STK10: variants seen among roughly 807,000 people sequenced by gnomAD.
The protein encoded by STK10 is serine/threonine kinase 10.
In STK10, 78 loss-of-function variants were observed where a neutral mutation model predicts 113.8. The ratio of observed to expected loss-of-function variants is 0.69; its 90% CI spans 0.57 to 0.83. STK10 has a LOEUF of 0.83. Ranked by LOEUF, STK10 falls within the 40% of genes least tolerant of loss-of-function variation. The pLI is 0.00. For missense variants in STK10, 1,109 were observed against 1,280.1 expected (o/e 0.87, Z 2.04); for synonymous variants, 465 against 494.7 (o/e 0.94, Z 0.80).
chr5:172,136,530 G>A (rs942229489), intron 2 of STK10, among the ~76,000 whole-genome samples: 1 of 152,352 alleles, frequency 6.6e-6, no homozygotes, highest in South Asian at 2.1e-4. Context: ...CCAGGAGGCA[G>A]AGCTTGCAGT....
At chr5:172,099,890 G>A (rs1768944089) in intron 7 of STK10, among the ~76,000 whole-genome samples, 1 of 152,210 alleles carries the variant, frequency 6.6e-6, no homozygotes, top group Non-Finnish European at 1.5e-5. Flanking sequence ...GCACGGCCAG[G>A]AACTCTGCTT....
intron 13 of STK10, 42 bp downstream of exon 13, chr5:172,064,678 C>A (rs3812021): frequency 1.0e-5 from 16 of 1,604,554 alleles, no homozygotes; most frequent in Non-Finnish European, 1.4e-5. Context: ...TTCCAGGTCT[C>A]GCACCAGCCC....
intron 12 of STK10, among the ~76,000 whole-genome samples, chr5:172,077,694 C>T (rs895710632): frequency 6.6e-6 from 1 of 151,966 alleles, no homozygotes; most frequent in African/African-American, 2.4e-5. Flanking sequence ...ATAAATATCC[C>T]ACACCAATTG....
intron 1 of STK10, among the ~76,000 whole-genome samples, chr5:172,182,061 T>C (rs908950164): frequency 8.6e-5 from 13 of 151,784 alleles, no homozygotes; most frequent in African/African-American, 3.1e-4. Flanking sequence ...TCCCAGCACT[T>C]TGGGAGGCTG....
rs1412196081 is a variant in STK10, at chr5:172,120,059, G to T, written c.371-2429C>A. 6.6e-6 allele frequency among the ~76,000 whole-genome samples: 1 copy of T among 151,976 alleles called. No individual in the cohort carries two copies. The highest frequency in any genetic ancestry group is 1.5e-5 in the Non-Finnish European group (1 of 67,976). On this transcript the variant is annotated intron_variant, in intron 3 of 18. Transcript: ENST00000176763. This position sits in a 1 kb window ranked among gnomAD's most constrained non-coding sequence, Gnocchi z 4.0. The stretch of plus-strand genomic sequence containing the variant: ...TGGCGGAATGTGGAGGCGGTGGGAG[G>T]AGGGGAGTGAGAAGATTCCAAGGTG...
At chr5:172,079,469 T>C (rs1768382139) in intron 12 of STK10, among the ~76,000 whole-genome samples, 1 of 152,174 alleles carries the variant, frequency 6.6e-6, no homozygotes, top group South Asian at 2.1e-4. Context: ...GTTTTATTTG[T>C]TCAATATTGG....
intron 1 of STK10, among the ~76,000 whole-genome samples, chr5:172,182,563 T>TC: frequency 6.7e-6 from 1 of 150,030 alleles, no homozygotes; most frequent in East Asian, 2.0e-4. Flanking sequence ...TTTTTTTTTT[T>TC]TTTTTTTGAG....
intron 12 of STK10, among the ~76,000 whole-genome samples, chr5:172,069,545 G>T (rs60203644): frequency 6.6e-6 from 1 of 152,162 alleles, no homozygotes; most frequent in Admixed American, 6.5e-5. Context: ...CTTGAGCCCA[G>T]GAGTTTGAGG....
At chr5:172,094,831 C>T (rs528802769) in intron 8 of STK10, among the ~76,000 whole-genome samples, 134 of 152,342 alleles carry the variant, frequency 8.8e-4, no homozygotes, top group African/African-American at 3.0e-3. Context: ...GCCCTTGTGG[C>T]CACTAAGTTT....
rs531132664 is a variant in STK10, at chr5:172,138,829, A to G, written c.322-11408T>C. Among the ~76,000 whole-genome samples the G allele has an allele frequency of 1.1e-3, 170 of 152,096 alleles. 1 individual carries two copies. Among genetic ancestry groups the G allele is most frequent in the Middle Eastern group, 3.4e-3 (1 of 294 alleles). ...AGATCGAGACCATCCTGGCTAACAC[A>G]GTGAAACCCCGTCTCTACTAAAAAA... is the stretch of plus-strand genomic sequence containing the variant. On this transcript the variant is annotated intron_variant, in intron 2 of 18. Transcript: ENST00000176763.
chr5:172,093,886 C>T lies in STK10; in HGVS notation c.1080G>A (p.Glu360=). 6.4e-7 allele frequency: 1 copy of T among 1,560,628 alleles called. No individual in the cohort carries two copies. Among genetic ancestry groups the T allele is most frequent in the Non-Finnish European group, 8.7e-7 (1 of 1,150,088 alleles). ...PSLNADKPLE[E]SPSTPLAPSQ... is the part of the protein sequence containing the mutation. ...TGGGTGCCAGCGGGGTGGAAGGTGA[C>T]TCCTCGAGAGGCTTGTCAGCATTGA... The change falls in exon 9 of 19, where the codon GAG becomes GAA. Residue 360 remains glutamate (E), a synonymous_variant. Coordinates refer to ENST00000176763, the MANE Select transcript of STK10 (RefSeq NM_005990.4). The surrounding 1 kb of genome is among the most constrained non-coding windows in gnomAD (Gnocchi z 4.1).
At chr5:172,088,990 T>G (rs1288979059) in intron 10 of STK10, among the ~76,000 whole-genome samples, 1 of 152,148 alleles carries the variant, frequency 6.6e-6, no homozygotes, top group African/African-American at 2.4e-5. Flanking sequence ...GCCTCCAAAA[T>G]GTAGGTCAAA....
chr5:172,082,596 G>T lies in STK10; in HGVS notation c.1810-91C>A. The T allele has an allele frequency of 6.9e-7, 1 of 1,449,998 alleles. No individual in the cohort carries two copies. The highest frequency in any genetic ancestry group is 9.2e-7 in the Non-Finnish European group (1 of 1,083,558). 89.8% of individuals were successfully genotyped at this position (1,449,998 alleles called of 1,614,324 possible). A position where few individuals can be genotyped will look rare whatever the true frequency, so the allele number is the denominator to read the frequency against. On this transcript the variant is annotated intron_variant, in intron 11 of 18. Coordinates refer to ENST00000176763, the MANE Select transcript of STK10 (RefSeq NM_005990.4). The surrounding 1 kb of genome is among the most constrained non-coding windows in gnomAD (Gnocchi z 4.3). ...GTGGAATGGGGAGAACTCAGAGCTT[G>T]TGATCAGACCTAAGCTTGAATCCCA...
rs1297989579 is a variant in STK10 at position 172,082,969 on chromosome 5, C to T, written c.1801G>A (p.Glu601Lys). Residue 601 changes from glutamate to lysine, a missense_variant, in exon 11 of 19, where the codon GAA becomes AAA. Glu to Lys is a moderately conservative substitution (Grantham distance 56). This residue lies in a region of STK10 where 885 missense variants were observed against 991.1 expected (regional missense o/e 0.89). Coordinates refer to ENST00000176763, the MANE Select transcript of STK10 (RefSeq NM_005990.4). This position sits in a 1 kb window ranked among gnomAD's most constrained non-coding sequence, Gnocchi z 4.3. The part of the protein sequence containing the change: ...LEQMHKRFEQ[E>K]INAKKKFFDT... ...TCTTTTCTCGCACTCACGTTGATTT[C>T]CTGTTCAAAACGTTTATGCATTTGC... 2 of 1,613,466 alleles carry T rather than the reference C, an allele frequency of 1.2e-6. No individual in the cohort carries two copies. Among genetic ancestry groups the T allele is most frequent in the African/African-American group, 2.7e-5 (2 of 74,890 alleles).
intron 18 of STK10, among the ~76,000 whole-genome samples, chr5:172,048,712 C>T (rs1343973376): frequency 6.6e-6 from 1 of 152,188 alleles, no homozygotes; most frequent in African/African-American, 2.4e-5. Flanking sequence ...CCACTCTTGA[C>T]CCCTGAGGGC....
At chr5:172,112,122 G>T (rs1581162061) in intron 4 of STK10, among the ~76,000 whole-genome samples, 1 of 152,332 alleles carries the variant, frequency 6.6e-6, no homozygotes, top group East Asian at 1.9e-4. Flanking sequence ...GGCTGTATTT[G>T]TATGGACTAA....
intron 4 of STK10, among the ~76,000 whole-genome samples, chr5:172,110,125 C>A (rs2113769044): frequency 6.6e-6 from 1 of 152,336 alleles, no homozygotes; most frequent in South Asian, 2.1e-4. Flanking sequence ...TCAGAGAATA[C>A]AATGAGGACC....
In STK10 at chr5:172,055,633, G is replaced by C. The variant is rs1193307374; in HGVS notation, c.2481C>G (p.Ile827Met). 6.4e-7 allele frequency: 1 copy of C among 1,564,034 alleles called. No individual in the cohort carries two copies. The highest frequency in any genetic ancestry group is 1.4e-5 in the African/African-American group (1 of 73,038). ...RMAMYKKSLH[I>M]NGGGSAAEQR... ...GCTCAGCTGCGCTGCCCCCGCCGTTGATGTGGAGGCTCTTCTTGTACATGG... is the reference window on the plus strand; with the variant it reads ...GCTCAGCTGCGCTGCCCCCGCCGTTCATGTGGAGGCTCTTCTTGTACATGG... The change falls in exon 16 of 19, where the codon ATC becomes ATG. Residue 827 changes from isoleucine to methionine, a missense_variant. By Grantham distance (10) the Ile-to-Met change is conservative. This residue lies in a region of STK10 where 885 missense variants were observed against 991.1 expected (regional missense o/e 0.89). Transcript: ENST00000176763.
chr5:172,106,512 GCA>G, intron 6 of STK10, 106 bp downstream of exon 6: 1 of 1,229,842 alleles, frequency 8.1e-7, no homozygotes, highest in Non-Finnish European at 1.1e-6. Flanking sequence ...GGAGCTAGCA[GCA>G]CCAGGAGAAC....
Sources: allele counts gnomAD v4.1 joint callset (sites outside exome capture counted in the v4.1 genomes callset), GRCh38; gene constraint gnomAD v4.1.1; regional missense constraint gnomAD v4.1.1; non-coding constraint Gnocchi (gnomAD v3.1); transcripts MANE v1.5; gene names NCBI Gene and HGNC (gene_info 2026-07-23, HGNC 2026-07-21).